SLC25A26: variants seen among roughly 807,000 people sequenced by gnomAD.
SLC25A26 encodes the protein mitochondrial S-adenosylmethionine carrier protein.
In SLC25A26, 36 loss-of-function variants were observed where a neutral mutation model predicts 37.8. That is an observed-to-expected ratio of 0.95 (90% CI 0.73 to 1.26). The LOEUF (loss-of-function observed/expected upper bound fraction) is 1.26, where lower values mean the gene tolerates loss of function less well. Ranked by LOEUF, SLC25A26 falls within the 50% of genes most tolerant of loss-of-function variation. The pLI is 0.00. For synonymous variants in SLC25A26, 129 were observed against 122.5 expected (o/e 1.05, Z -0.35); for missense variants, 390 against 331.1 (o/e 1.18, Z -1.38).
chr3:66,289,893 A>G (rs1041601349), intron 5 of SLC25A26, among the ~76,000 whole-genome samples: 2 of 152,168 alleles, frequency 1.3e-5, no homozygotes, highest in Admixed American at 6.5e-5. Flanking sequence ...CATTGAATCT[A>G]TAAATTACTT....
At chr3:66,272,245 C>G (rs893744149) in intron 5 of SLC25A26, among the ~76,000 whole-genome samples, 7 of 152,076 alleles carry the variant, frequency 4.6e-5, no homozygotes, top group African/African-American at 1.7e-4. Flanking sequence ...GGCCCAGGGT[C>G]TCATACCAGT....
At chr3:66,356,695 C>T (rs528064171) in intron 6 of SLC25A26, among the ~76,000 whole-genome samples, 2 of 152,250 alleles carry the variant, frequency 1.3e-5, no homozygotes, top group East Asian at 1.9e-4. Flanking sequence ...GTGGTGTGAT[C>T]GCTGATAACT....
At chr3:66,235,480 C>A (rs1215105741) in intron 1 of SLC25A26, among the ~76,000 whole-genome samples, 1 of 151,972 alleles carries the variant, frequency 6.6e-6, no homozygotes, top group Admixed American at 6.6e-5. Flanking sequence ...TCAATTTATT[C>A]ACTTGATTTA....
chr3:66,148,586 T>G (rs62246866), intron 1 of SLC25A26, among the ~76,000 whole-genome samples: 1 of 152,010 alleles, frequency 6.6e-6, no homozygotes, highest in Non-Finnish European at 1.5e-5. Flanking sequence ...ACAATGAATG[T>G]GTTGGATAAA....
In SLC25A26 at chr3:66,347,859, G is replaced by C. The variant is rs146395257; in HGVS notation, c.498+1451G>C. Among the ~76,000 whole-genome samples, 469 of 152,282 alleles carry C rather than the reference G, an allele frequency of 3.1e-3. 3 individuals are homozygous for C. Among genetic ancestry groups the C allele is most frequent in the African/African-American group, 0.011 (460 of 41,546 alleles). On this transcript the variant is annotated intron_variant, in intron 6 of 9. Coordinates refer to ENST00000354883, the MANE Select transcript of SLC25A26 (RefSeq NM_001379210.1). Reference sequence around the variant, plus strand: ...ATGGAGCTGGAAGCCATTATCCTCAGCAAACTAATGCAGGAACAGAAAAGC... The same window carrying C: ...ATGGAGCTGGAAGCCATTATCCTCACCAAACTAATGCAGGAACAGAAAAGC...
At chr3:66,311,113 C>A (rs2075364055) in intron 5 of SLC25A26, among the ~76,000 whole-genome samples, 1 of 152,170 alleles carries the variant, frequency 6.6e-6, no homozygotes, top group Non-Finnish European at 1.5e-5. Flanking sequence ...TTCTCCCTGT[C>A]ACTTTCGGGT....
chr3:66,360,792 G>C (rs557279642), intron 6 of SLC25A26, among the ~76,000 whole-genome samples: 2 of 152,310 alleles, frequency 1.3e-5, no homozygotes, highest in African/African-American at 4.8e-5. Context: ...CCATGCCTGT[G>C]AGAAGAAAAC....
chr3:66,362,571 G>A (rs891228760), intron 6 of SLC25A26, among the ~76,000 whole-genome samples: 7 of 152,214 alleles, frequency 4.6e-5, no homozygotes, highest in Admixed American at 4.6e-4. Flanking sequence ...TGGGTCATGA[G>A]TCAGTTCACT....
intron 5 of SLC25A26, among the ~76,000 whole-genome samples, chr3:66,269,985 T>G (rs549401024): frequency 7.9e-5 from 12 of 152,278 alleles, no homozygotes; most frequent in African/African-American, 2.4e-4. Flanking sequence ...CAGTGAATAC[T>G]TGTCGTTTTT....
intron 5 of SLC25A26, among the ~76,000 whole-genome samples, chr3:66,332,639 T>TGAAC (rs2076004220): frequency 6.6e-6 from 1 of 152,160 alleles, no homozygotes; most frequent in African/African-American, 2.4e-5. Flanking sequence ...CTTGAACTCC[T>TGAAC]GAACTCAAGC....
At chr3:66,315,415 T>C (rs2075509959) in intron 5 of SLC25A26, among the ~76,000 whole-genome samples, 1 of 152,232 alleles carries the variant, frequency 6.6e-6, no homozygotes. Context: ...TCAATTTCCA[T>C]ATACCTTTGT....
rs1559608824 is a variant in SLC25A26 at position 66,243,327 on chromosome 3, T to C, written c.300+15T>C. The stretch of plus-strand genomic sequence containing the variant: ...CTGGAGAAGTGGTAAGTAACAAGTT[T>C]TGTGTATAAAATACTTCAGAAATGC... On this transcript the variant is annotated intron_variant, in intron 3 of 9. Transcript: ENST00000354883. 1 of 1,380,616 alleles carries C rather than the reference T, an allele frequency of 7.2e-7. No individual in the cohort carries two copies. The highest frequency in any genetic ancestry group is 1.4e-5 in the African/African-American group (1 of 70,546). The allele number at this position is 1,380,616 out of a possible 1,614,324, so 85.5% of individuals were successfully genotyped here.
Position 66,334,440 on chromosome 3 carries a change from G to A in SLC25A26, c.454-11924G>A, listed in dbSNP as rs529654149. Among the ~76,000 whole-genome samples the A allele has an allele frequency of 7.9e-5, 12 of 152,054 alleles. No homozygotes were observed. The South Asian group carries it at 8.3e-4, about 11-fold the overall frequency. ...AGTGACTCTTGTGCCTCAGCCTCCC[G>A]AGTAGCTGGGATTACAGATGTGTGC... On this transcript the variant is annotated intron_variant, in intron 5 of 9. Transcript: ENST00000354883.
intron 5 of SLC25A26, among the ~76,000 whole-genome samples, chr3:66,330,082 T>G (rs1447693052): frequency 6.6e-6 from 1 of 152,160 alleles, no homozygotes; most frequent in Non-Finnish European, 1.5e-5. Flanking sequence ...TGCTCATTTT[T>G]CAGTACACTC....
At chr3:66,339,881 C>G (rs1191461485) in intron 5 of SLC25A26, among the ~76,000 whole-genome samples, 2 of 151,860 alleles carry the variant, frequency 1.3e-5, no homozygotes, top group African/African-American at 4.8e-5. Context: ...CCATTTATTT[C>G]TTTTTGCTTT....
chr3:66,324,342 G>A (rs1231218430), intron 5 of SLC25A26, among the ~76,000 whole-genome samples: 3 of 152,024 alleles, frequency 2.0e-5, no homozygotes, highest in African/African-American at 7.2e-5. Context: ...GAGTGGGATT[G>A]CAAAACTAGT....
chr3:66,170,735 A>ACAC (rs1164033895), intron 1 of SLC25A26, among the ~76,000 whole-genome samples: 1 of 150,006 alleles, frequency 6.7e-6, no homozygotes. Flanking sequence ...ATAGTGCCGG[A>ACAC]CACATGTAGT....
rs140175216 is a variant in SLC25A26, at chr3:66,222,609, A to G, written c.33+1482A>G. Among the ~76,000 whole-genome samples the G allele has an allele frequency of 3.2e-3, 471 of 148,564 alleles. 3 individuals carry two copies. Among genetic ancestry groups the G allele is most frequent in the African/African-American group, 0.011 (461 of 41,158 alleles). On this transcript the variant is annotated intron_variant, in intron 1 of 9. Coordinates refer to ENST00000354883, the MANE Select transcript of SLC25A26 (RefSeq NM_001379210.1). ...TACATTATCCCATTTAATTCTCACAATAATTGAACTCTTATCCTAATTTTC... is the reference window on the plus strand; with the variant it reads ...TACATTATCCCATTTAATTCTCACAGTAATTGAACTCTTATCCTAATTTTC...
rs116876773 is a variant in SLC25A26 at position 66,358,610 on chromosome 3, A to C, written c.499-4250A>C. 3.0e-3 allele frequency among the ~76,000 whole-genome samples: 458 copies of C among 152,170 alleles called. 3 individuals are homozygous for C. Among genetic ancestry groups the C allele is most frequent in the East Asian group, 0.017 (89 of 5,184 alleles). ...GTCCCATCCAGATCCCAGCTTTCCT[A>C]CTCGCTGTTTAATCTGTGAGTTACT... is the stretch of plus-strand genomic sequence containing the variant. On this transcript the variant is annotated intron_variant, in intron 6 of 9. Transcript: ENST00000354883.
Sources: allele counts gnomAD v4.1 joint callset (sites outside exome capture counted in the v4.1 genomes callset), GRCh38; gene constraint gnomAD v4.1.1; transcripts MANE v1.5; gene names NCBI Gene and HGNC (gene_info 2026-07-23, HGNC 2026-07-21).